The following NOL4L variants were observed in gnomAD, a reference collection of about 807,000 sequenced individuals.
NOL4L encodes the protein nucleolar protein 4-like.
Under a neutral mutation model 64.5 loss-of-function variants are expected in NOL4L, and 7 were observed. The ratio of observed to expected loss-of-function variants is 0.11; its 90% CI spans 0.06 to 0.20. The LOEUF (loss-of-function observed/expected upper bound fraction) is 0.20, where lower values mean the gene tolerates loss of function less well. Among genes scored for constraint, NOL4L ranks in the 10% least tolerant of loss-of-function variants. The probability of loss-of-function intolerance (pLI) is 1.00; values close to 1 mark genes in which losing one functional copy is unlikely to be tolerated. For missense variants in NOL4L, 680 were observed against 967.1 expected (o/e 0.70, Z 3.94); for synonymous variants, 413 against 401.0 (o/e 1.03, Z -0.36).
intron 1 of NOL4L, among the ~76,000 whole-genome samples, chr20:32,582,725 T>C (rs1371939805): frequency 1.3e-5 from 2 of 152,026 alleles, no homozygotes; most frequent in African/African-American, 4.8e-5. Flanking sequence ...CGGGAAGCCC[T>C]GATGGCAGAG....
chr20:32,501,783 T>C (rs1052500008), intron 4 of NOL4L, among the ~76,000 whole-genome samples: 1 of 151,736 alleles, frequency 6.6e-6, no homozygotes, highest in Non-Finnish European at 1.5e-5. Flanking sequence ...GAAGAAAAAA[T>C]TGATACATCT....
intron 1 of NOL4L, among the ~76,000 whole-genome samples, chr20:32,561,866 G>A (rs1397921711): frequency 6.6e-6 from 1 of 152,198 alleles, no homozygotes; most frequent in Non-Finnish European, 1.5e-5. Flanking sequence ...GCACGTGCCT[G>A]TAGTCCCAGC....
rs1021237351 is a variant in NOL4L at position 32,569,847 on chromosome 20, G to A, written c.321+14723C>T. ...GAGTAGGTGCTCTGGCAATCTTTAT[G>A]GAATGAATGACAGGACCTGGTACAT... On this transcript the variant is annotated intron_variant, in intron 1 of 10. Coordinates refer to ENST00000621426, the MANE Select transcript of NOL4L (RefSeq NM_001256798.2). Among the ~76,000 whole-genome samples, 5 of 152,202 alleles carry A rather than the reference G, an allele frequency of 3.3e-5. No individual in the cohort carries two copies. The East Asian group carries it at 9.6e-4, about 29-fold the overall frequency.
At chr20:32,578,739 CTG>C (rs1437231633) in intron 1 of NOL4L, among the ~76,000 whole-genome samples, 3 of 152,194 alleles carry the variant, frequency 2.0e-5, no homozygotes, top group Non-Finnish European at 4.4e-5. Flanking sequence ...GAAACTGAGA[CTG>C]AGAGAGGCCA....
chr20:32,584,880 G>T lies in NOL4L; in HGVS notation c.11C>A (p.Pro4Gln). Residue 4 changes from proline (P) to glutamine (Q), a missense_variant, in exon 1 of 11, where the codon CCG becomes CAG. Physicochemically the swap from Pro to Gln is moderately conservative, Grantham distance 76. Transcript: ENST00000621426. ...CCAGCCCCCGCGCAGCAGCAGCGTCGGCTTCGGCATCCTCCCGCCGCGCCC... is the reference window on the plus strand; with the variant it reads ...CCAGCCCCCGCGCAGCAGCAGCGTCTGCTTCGGCATCCTCCCGCCGCGCCC... The part of the protein sequence containing the change: MPK[P>Q]TLLLRGGWER... 1 of 1,305,632 alleles carries T rather than the reference G, an allele frequency of 7.7e-7. No individual in the cohort carries two copies. The highest frequency in any genetic ancestry group is 9.8e-7 in the Non-Finnish European group (1 of 1,023,576). The allele number at this position is 1,305,632 out of a possible 1,614,324, so 80.9% of individuals were successfully genotyped here.
rs370107804 is a variant in NOL4L, at chr20:32,452,216, C to G, written c.1822+20G>C. ...TGGGTGCTGGTCGGGAAGCCAGAGC[C>G]CAGGCCTCCCCCGACTCACCATTAC... On this transcript the variant is annotated intron_variant, in intron 10 of 10. Transcript: ENST00000621426. 12 of 1,505,008 alleles carry G rather than the reference C, an allele frequency of 8.0e-6. No individual in the cohort carries two copies. In the African/African-American group the frequency reaches 1.5e-4, roughly 19 times the overall value. The allele number at this position is 1,505,008 out of a possible 1,614,324, so 93.2% of individuals were successfully genotyped here.
chr20:32,479,369 A>T (rs1410359681), intron 4 of NOL4L, among the ~76,000 whole-genome samples: 1 of 152,218 alleles, frequency 6.6e-6, no homozygotes, highest in East Asian at 1.9e-4. Context: ...TCCCTTCAGG[A>T]ATCTCAGATG....
At chr20:32,478,826 A>G (rs1269714784) in intron 4 of NOL4L, among the ~76,000 whole-genome samples, 1 of 152,218 alleles carries the variant, frequency 6.6e-6, no homozygotes, top group Admixed American at 6.5e-5. Flanking sequence ...CCTGGGCTCA[A>G]GTGCCTTGGC....
chr20:32,494,663 C>A (rs912376952), intron 4 of NOL4L, among the ~76,000 whole-genome samples: 1 of 152,188 alleles, frequency 6.6e-6, no homozygotes, highest in East Asian at 1.9e-4. Context: ...GAAATTCTTT[C>A]TTTCCCAGCC....
chr20:32,488,010 T>A (rs1166396847), intron 4 of NOL4L, among the ~76,000 whole-genome samples: 1 of 151,842 alleles, frequency 6.6e-6, no homozygotes, highest in African/African-American at 2.4e-5. Context: ...GCTCACTGCA[T>A]CCTCCACCTC....
intron 4 of NOL4L, among the ~76,000 whole-genome samples, chr20:32,493,564 A>G (rs534342841): frequency 6.6e-6 from 1 of 152,236 alleles, no homozygotes; most frequent in African/African-American, 2.4e-5. Flanking sequence ...AACAGCAGGG[A>G]CTTGTTTTTG....
intron 4 of NOL4L, among the ~76,000 whole-genome samples, chr20:32,488,749 T>TCCTA (rs2016213847): frequency 2.3e-5 from 1 of 42,936 alleles, no homozygotes; most frequent in Non-Finnish European, 3.8e-5. Context: ...TTCTTTCTTT[T>TCCTA]CCTTCCTTCC....
intron 2 of NOL4L, among the ~76,000 whole-genome samples, chr20:32,527,291 C>T (rs2018167705): frequency 6.6e-6 from 1 of 152,168 alleles, no homozygotes; most frequent in Admixed American, 6.5e-5. Flanking sequence ...CTGGGGAACT[C>T]CCAGTCCTGA....
At chr20:32,579,497 C>G (rs560430829) in intron 1 of NOL4L, among the ~76,000 whole-genome samples, 1 of 152,132 alleles carries the variant, frequency 6.6e-6, no homozygotes, top group African/African-American at 2.4e-5. Flanking sequence ...CCCCACCCCC[C>G]AATCCTCCCA....
intron 4 of NOL4L, 163 bp from the exon 5 acceptor site, chr20:32,474,905 C>A: frequency 1.0e-6 from 1 of 985,430 alleles, no homozygotes; most frequent in African/African-American, 1.7e-5. Flanking sequence ...CTCCCCCTTG[C>A]CCGGTGGAAG....
intron 4 of NOL4L, among the ~76,000 whole-genome samples, chr20:32,488,793 T>TCCTTTCTTTC (rs1304215016): frequency 3.7e-5 from 1 of 26,902 alleles, no homozygotes; most frequent in Non-Finnish European, 5.8e-5. Context: ...CTTCCTTCCT[T>TCCTTTCTTTC]TCTTTCTTTC....
intron 4 of NOL4L, among the ~76,000 whole-genome samples, chr20:32,504,270 C>G (rs2017043319): frequency 6.6e-6 from 1 of 152,060 alleles, no homozygotes; most frequent in South Asian, 2.1e-4. Flanking sequence ...TTTAAAGAAA[C>G]ATCTCAGAGG....
At chr20:32,561,285 G>A (rs1279877083) in intron 1 of NOL4L, 1 of 152,274 alleles carries the variant, frequency 6.6e-6, no homozygotes, top group Non-Finnish European at 1.5e-5. Flanking sequence ...CCGGGAGGAT[G>A]AGGGGAACCT....
rs769503846 is a variant in NOL4L, at chr20:32,447,706, G to A, written c.1933C>T (p.Pro645Ser). The change falls in exon 11 of 11, where the codon CCC becomes TCC. Residue 645 changes from proline (P) to serine (S), a missense_variant. Pro to Ser is a moderately conservative substitution (Grantham distance 74). This residue lies in a region of NOL4L where 175 missense variants were observed against 227.0 expected (regional missense o/e 0.77). Transcript: ENST00000621426. ...SRPVPTAQLS[P>S]TEISAVRQLI... ...TGCCGCACGGCGCTGATCTCCGTGG[G>A]GCTGAGCTGAGCGGTGGGCACGGGC... The A allele has an allele frequency of 6.2e-7, 1 of 1,611,908 alleles. No homozygotes were observed. Among genetic ancestry groups the A allele is most frequent in the African/African-American group, 1.3e-5 (1 of 74,878 alleles).
Sources: gnomAD v4.1 joint callset for allele counts (sites outside exome capture counted in the v4.1 genomes callset) on GRCh38, gnomAD v4.1.1 for gene constraint, gnomAD v4.1.1 regional missense constraint, MANE v1.5 for transcripts, NCBI Gene and HGNC (gene_info 2026-07-23, HGNC 2026-07-21) for gene names.